Variants in QTMAN observed in about 807,000 individuals in gnomAD.
QTMAN encodes the protein queuosine-tRNA mannosyltransferase.
the QTMAN span, among the ~76,000 whole-genome samples, chr2:144,188,047 G>A: frequency 6.6e-6 from 1 of 152,196 alleles, no homozygotes; most frequent in African/African-American, 2.4e-5. Context: ...AAGAGGCAAG[G>A]AAGGATTCAT....
chr2:143,989,566 A>G, the QTMAN span, among the ~76,000 whole-genome samples: 1 of 152,226 alleles, frequency 6.6e-6, no homozygotes, highest in Non-Finnish European at 1.5e-5. Flanking sequence ...ATTGCAGGTA[A>G]GGAGCAGAAC....
the QTMAN span, among the ~76,000 whole-genome samples, chr2:144,077,244 T>A: frequency 6.6e-6 from 1 of 152,226 alleles, no homozygotes. Flanking sequence ...TGAAAAAATA[T>A]AGGTCAGAAA....
chr2:144,280,435 G>A, the QTMAN span, among the ~76,000 whole-genome samples: 3 of 152,156 alleles, frequency 2.0e-5, no homozygotes, highest in Non-Finnish European at 4.4e-5. Context: ...CAGCATAGAT[G>A]CAGCCTTCCA....
At chr2:143,982,193 C>T in the QTMAN span, among the ~76,000 whole-genome samples, 1 of 151,974 alleles carries the variant, frequency 6.6e-6, no homozygotes, top group Non-Finnish European at 1.5e-5. Context: ...ATACTTACTG[C>T]TAGTGAGTAT....
chr2:143,993,141 A>T, the QTMAN span, among the ~76,000 whole-genome samples: 1 of 152,176 alleles, frequency 6.6e-6, no homozygotes, highest in Admixed American at 6.5e-5. Context: ...TATCACGGCA[A>T]ATTTTTATTT....
chr2:144,102,415 A>G, the QTMAN span, among the ~76,000 whole-genome samples: 1 of 152,326 alleles, frequency 6.6e-6, no homozygotes, highest in Non-Finnish European at 1.5e-5. Context: ...AAAAAGTTTT[A>G]TTTAAGTAAC....
At chr2:144,133,150 T>TTTTTATATA in the QTMAN span, among the ~76,000 whole-genome samples, 2 of 38,482 alleles carry the variant, frequency 5.2e-5, no homozygotes, top group African/African-American at 4.6e-4. Context: ...TATATATATA[T>TTTTTATATA]AATATAATAT....
the QTMAN span, among the ~76,000 whole-genome samples, chr2:144,184,091 T>G: frequency 1.3e-5 from 2 of 152,198 alleles, no homozygotes; most frequent in African/African-American, 4.8e-5. Context: ...ATGTGTGAGC[T>G]TCAAAGCTGG....
the QTMAN span, among the ~76,000 whole-genome samples, chr2:143,963,598 GC>G: frequency 1.3e-5 from 2 of 151,332 alleles, no homozygotes; most frequent in African/African-American, 4.9e-5. Flanking sequence ...TTGCTAGTTT[GC>G]CCTTTCATTT....
the QTMAN span, among the ~76,000 whole-genome samples, chr2:144,137,212 C>T: frequency 6.6e-6 from 1 of 151,976 alleles, no homozygotes; most frequent in African/African-American, 2.4e-5. Context: ...ATGCATTTTC[C>T]TACATTCTTA....
the QTMAN span, among the ~76,000 whole-genome samples, chr2:144,173,815 C>T: frequency 5.3e-5 from 8 of 152,234 alleles, no homozygotes; most frequent in African/African-American, 1.4e-4. Flanking sequence ...CCAAGCTACT[C>T]GCATGGGAGT....
the QTMAN span, among the ~76,000 whole-genome samples, chr2:144,257,088 A>G: frequency 2.8e-5 from 1 of 35,228 alleles, no homozygotes; most frequent in African/African-American, 5.7e-5. Context: ...AAACAAACTG[A>G]AAAAAAAAAA....
At chr2:144,019,928 G>A in the QTMAN span, among the ~76,000 whole-genome samples, 3 of 152,302 alleles carry the variant, frequency 2.0e-5, no homozygotes, top group East Asian at 5.8e-4. Flanking sequence ...AATTGAATTT[G>A]TTTGTTCATT....
chr2:143,962,579 G>C, the QTMAN span, among the ~76,000 whole-genome samples: 1 of 152,128 alleles, frequency 6.6e-6, no homozygotes, highest in Non-Finnish European at 1.5e-5. Flanking sequence ...GATGAACTCA[G>C]TGTCAAGGTA....
At chr2:144,203,923 T>TG in the QTMAN span, among the ~76,000 whole-genome samples, 1 of 152,062 alleles carries the variant, frequency 6.6e-6, no homozygotes, top group Non-Finnish European at 1.5e-5. Flanking sequence ...TAAATGGTGC[T>TG]GGGAAAACTG....
At chr2:143,950,118 A>G in the QTMAN span, among the ~76,000 whole-genome samples, 1 of 151,798 alleles carries the variant, frequency 6.6e-6, no homozygotes, top group African/African-American at 2.4e-5. Flanking sequence ...GAATTATATA[A>G]ATAAGCTCTT....
the QTMAN span, chr2:144,211,269 T>C: frequency 1.3e-5 from 2 of 152,546 alleles, no homozygotes; most frequent in African/African-American, 2.4e-5. Context: ...AAAAAGATTA[T>C]AGCTATAGTA....
At chr2:144,247,529 C>T in the QTMAN span, among the ~76,000 whole-genome samples, 3 of 152,046 alleles carry the variant, frequency 2.0e-5, no homozygotes, top group African/African-American at 7.2e-5. Flanking sequence ...GAAAAATCTT[C>T]AAAGACCATA....
the QTMAN span, among the ~76,000 whole-genome samples, chr2:144,093,898 T>C: frequency 6.6e-6 from 1 of 152,226 alleles, no homozygotes; most frequent in Non-Finnish European, 1.5e-5. Flanking sequence ...TACACATTTA[T>C]AAGCAGGATA....
Sources: gnomAD v4.1 joint callset for allele counts (sites outside exome capture counted in the v4.1 genomes callset) on GRCh38, gnomAD v4.1.1 for gene constraint, MANE v1.5 for transcripts, NCBI Gene and HGNC (gene_info 2026-07-23, HGNC 2026-07-21) for gene names.